Variants in CCDC63 observed in about 807,000 individuals in gnomAD.
CCDC63 encodes the protein coiled-coil domain containing 63.
In CCDC63, 54 loss-of-function variants were observed where a neutral mutation model predicts 63.6. That is an observed-to-expected ratio of 0.85 (90% CI 0.68 to 1.07). The LOEUF is 1.07. Ranked by LOEUF, CCDC63 falls within the 50% of genes least tolerant of loss-of-function variation. The pLI is 0.00. For missense variants in CCDC63, 637 were observed against 689.6 expected, an observed-to-expected ratio of 0.92 and a Z score of 0.86; for synonymous variants, 253 against 266.1, an observed-to-expected ratio of 0.95 and a Z score of 0.48.
At chr12:110,892,629 C>T (rs1301427266) in intron 8 of CCDC63, among the ~76,000 whole-genome samples, 1 of 151,952 alleles carries the variant, frequency 6.6e-6, no homozygotes, top group Non-Finnish European at 1.5e-5. Context: ...ACCAGCCTGA[C>T]CAATATGGTG....
rs748648067 is a variant in CCDC63, at chr12:110,884,089, G to A, written c.913G>A (p.Val305Met). ...GGGAGAGAGTTTTGAGAGCTATGAG[G>A]TGGCCCACCTCCGGCTGCTGAAGCT... ...NRGESFESYE[V>M]AHLRLLKLAE... is the part of the protein sequence containing the mutation. The change falls in exon 8 of 12, where the codon GTG becomes ATG. Residue 305 changes from valine (V) to methionine (M), a missense_variant. Val to Met is a conservative substitution (Grantham distance 21). Transcript: ENST00000308208. The A allele has an allele frequency of 5.6e-6, 9 of 1,614,184 alleles. No homozygotes were observed. The Admixed American group carries it at 1.3e-4, about 24-fold the overall frequency.
At chr12:110,858,841 T>G in intron 4 of CCDC63, 66 bp downstream of exon 4, 1 of 1,420,854 alleles carries the variant, frequency 7.0e-7, no homozygotes, top group Non-Finnish European at 9.8e-7. Context: ...GGGTGCATAT[T>G]CGTGATGCCT....
intron 9 of CCDC63, 132 bp downstream of exon 9, chr12:110,893,282 A>G: frequency 1.4e-6 from 1 of 702,592 alleles, no homozygotes; most frequent in East Asian, 2.6e-5. Context: ...GGTCTGCCCC[A>G]TGACTCAGGC....
upstream of CCDC63, chr12:110,846,951 A>T (rs1037759699): frequency 6.6e-6 from 1 of 152,242 alleles, no homozygotes; most frequent in Non-Finnish European, 1.5e-5. Context: ...CGCCCGTTCC[A>T]GGGGTCCCAG....
intron 3 of CCDC63, among the ~76,000 whole-genome samples, chr12:110,854,379 C>T (rs534956217): frequency 3.7e-4 from 55 of 150,342 alleles, no homozygotes; most frequent in Non-Finnish European, 6.5e-4. Flanking sequence ...ACTGCAACCT[C>T]CGCCTCCCGG....
In CCDC63 at chr12:110,907,202, T is replaced by A. The variant is rs1040290367; in HGVS notation, c.1547-129T>A. On this transcript the variant is annotated intron_variant, in intron 11 of 11. Transcript: ENST00000308208. The surrounding 1 kb of genome is among the most constrained non-coding windows in gnomAD (Gnocchi z 4.4). ...CCAAGAAGTATATTTCTGTTCATTCTCCCCCTCCTTGAAACCTGAGAATTT... is the reference window on the plus strand; with the variant it reads ...CCAAGAAGTATATTTCTGTTCATTCACCCCCTCCTTGAAACCTGAGAATTT... The A allele has an allele frequency of 1.4e-5, 11 of 811,076 alleles. No homozygotes were observed. Among genetic ancestry groups the A allele is most frequent in the Non-Finnish European group, 2.1e-5 (11 of 529,882 alleles). 50.2% of individuals were successfully genotyped at this position (811,076 alleles called of 1,614,324 possible). A position where few individuals can be genotyped will look rare whatever the true frequency, so the allele number is the denominator to read the frequency against.
chr12:110,899,479 C>A (rs1279523101), intron 10 of CCDC63, among the ~76,000 whole-genome samples: 1 of 152,054 alleles, frequency 6.6e-6, no homozygotes, highest in African/African-American at 2.4e-5. Flanking sequence ...CCACCATACA[C>A]GGCTGATTTT....
chr12:110,907,417 G>A lies in CCDC63; in HGVS notation c.1633G>A (p.Gly545Arg), dbSNP rs762760475. ...LKENRSKEVRGDSLPEKVDDF... is the reference protein window; with the variant it reads ...LKENRSKEVRRDSLPEKVDDF... ...GGAGAATCGGAGTAAGGAAGTGCGC[G>A]GAGACAGCCTGCCTGAGAAGGTGGA... is the stretch of plus-strand genomic sequence containing the variant. The change falls in exon 12 of 12, where the codon GGA (glycine) becomes AGA (arginine). Residue 545 changes from glycine to arginine, a missense_variant. Gly to Arg is a moderately radical substitution (Grantham distance 125). Transcript: ENST00000308208. The surrounding 1 kb of genome is among the most constrained non-coding windows in gnomAD (Gnocchi z 4.4). The A allele has an allele frequency of 3.0e-5, 49 of 1,614,066 alleles. 1 individual carries two copies. The Admixed American group carries it at 5.3e-4, about 18-fold the overall frequency.
chr12:110,852,619 G>A (rs930242436), intron 1 of CCDC63, among the ~76,000 whole-genome samples: 2 of 152,202 alleles, frequency 1.3e-5, no homozygotes, highest in East Asian at 1.9e-4. Context: ...TAACTGACAC[G>A]CCAGAACCAT....
chr12:110,881,701 A>G (rs2071211531), intron 7 of CCDC63, among the ~76,000 whole-genome samples: 1 of 149,746 alleles, frequency 6.7e-6, no homozygotes, highest in Admixed American at 6.7e-5. Context: ...CAGCCTGGGC[A>G]ACAGAATAAG....
intron 7 of CCDC63, among the ~76,000 whole-genome samples, chr12:110,882,572 A>C (rs1429732356): frequency 2.0e-5 from 3 of 152,090 alleles, no homozygotes; most frequent in African/African-American, 7.2e-5. Flanking sequence ...CTCTTAAAAA[A>C]AAAAAGGTTA....
At chr12:110,867,852 G>A (rs574053547) in intron 4 of CCDC63, among the ~76,000 whole-genome samples, 11 of 148,374 alleles carry the variant, frequency 7.4e-5, no homozygotes, top group African/African-American at 2.0e-4. Flanking sequence ...CTCACCTCCC[G>A]GACGGGGTGG....
At chr12:110,867,196 C>A (rs868343839) in intron 4 of CCDC63, among the ~76,000 whole-genome samples, 2 of 128,164 alleles carry the variant, frequency 1.6e-5, no homozygotes, top group Admixed American at 7.3e-5. Flanking sequence ...ACCTCCCTCC[C>A]GGACGGGGCG....
At chr12:110,896,197 G>T (rs1194241835) in intron 9 of CCDC63, among the ~76,000 whole-genome samples, 1 of 152,114 alleles carries the variant, frequency 6.6e-6, no homozygotes, top group Non-Finnish European at 1.5e-5. Flanking sequence ...CTGGAGTGCA[G>T]TGGTGGGATC....
chr12:110,898,251 C>T (rs987062302), intron 9 of CCDC63, among the ~76,000 whole-genome samples: 13 of 151,530 alleles, frequency 8.6e-5, no homozygotes, highest in African/African-American at 2.9e-4. Context: ...CACTGTACTC[C>T]AGCCTGGAGC....
At chr12:110,886,946 C>T (rs1157792521) in intron 8 of CCDC63, among the ~76,000 whole-genome samples, 1 of 152,142 alleles carries the variant, frequency 6.6e-6, no homozygotes, top group Non-Finnish European at 1.5e-5. Context: ...ATCCTTTCCT[C>T]CTGCAGTCGC....
chr12:110,867,063 A>C (rs1293869831), intron 4 of CCDC63, among the ~76,000 whole-genome samples: 2 of 128,014 alleles, frequency 1.6e-5, no homozygotes, highest in Non-Finnish European at 1.7e-5. Flanking sequence ...ACCTCCCAGT[A>C]GGGGCGGCCG....
At position 110,907,415 on chromosome 12, in the gene CCDC63, G is replaced by A. The variant is rs116604830; in HGVS notation, c.1631G>A (p.Arg544His). The A allele has an allele frequency of 2.0e-5, 33 of 1,614,060 alleles. No homozygotes were observed. The highest frequency in any genetic ancestry group is 1.4e-4 in the South Asian group (13 of 91,082). The change falls in exon 12 of 12, where the codon CGC becomes CAC. Residue 544 changes from arginine (R) to histidine (H), a missense_variant. Arg to His is a conservative substitution (Grantham distance 29). Coordinates refer to ENST00000308208, the MANE Select transcript of CCDC63 (RefSeq NM_152591.3). The surrounding 1 kb of genome is among the most constrained non-coding windows in gnomAD (Gnocchi z 4.4). ...ILKENRSKEV[R>H]GDSLPEKVDD... ...AAGGAGAATCGGAGTAAGGAAGTGC[G>A]CGGAGACAGCCTGCCTGAGAAGGTG...
At chr12:110,872,075 A>T (rs565249645) in intron 4 of CCDC63, among the ~76,000 whole-genome samples, 6 of 152,320 alleles carry the variant, frequency 3.9e-5, no homozygotes, top group Admixed American at 1.3e-4. Flanking sequence ...TTGTACTAGA[A>T]TGATATTTAT....
Sources: gnomAD v4.1 joint callset for allele counts (sites outside exome capture counted in the v4.1 genomes callset) on GRCh38, gnomAD v4.1.1 for gene constraint, Gnocchi (gnomAD v3.1) non-coding constraint, MANE v1.5 for transcripts, NCBI Gene and HGNC (gene_info 2026-07-23, HGNC 2026-07-21) for gene names.